The following ANK3 variants were observed in gnomAD, a reference collection of about 807,000 sequenced individuals.
The protein encoded by ANK3 is ankyrin-3.
ANK3 carries 57 observed loss-of-function variants against 370.9 expected under a neutral mutation model. The observed-to-expected ratio is 0.15, with a 90% confidence interval of 0.12 to 0.19. ANK3 has a LOEUF of 0.19. Among genes scored for constraint, ANK3 ranks in the 10% least tolerant of loss-of-function variants. ANK3 has a pLI of 1.00. For missense variants in ANK3, 4,439 were observed against 5,302.1 expected (o/e 0.84, Z 5.06); for synonymous variants, 1,929 against 1,946.3 (o/e 0.99, Z 0.23).
At position 60,071,378 on chromosome 10, in the gene ANK3, G is replaced by C; in HGVS notation, c.9503C>G (p.Thr3168Ser). Residue 3168 changes from threonine to serine, a missense_variant, in exon 37 of 44, where the codon ACC becomes AGC. Around this residue, in one of 13 missense-constraint regions of ANK3, gnomAD observed 1,601 missense variants for 1,731.7 expected, o/e 0.92. Coordinates refer to ENST00000280772, the MANE Select transcript of ANK3 (RefSeq NM_020987.5). ...FLDSSGKSPL[T>S]PETPSSEEVS... is the part of the protein sequence containing the mutation. ...TTCCTCTGAACTGGGTGTTTCTGGG[G>C]TTAAAGGGCTTTTCCCAGAGCTGTC... 3 of 1,614,070 alleles carry C rather than the reference G, an allele frequency of 1.9e-6. No homozygotes were observed. Among genetic ancestry groups the C allele is most frequent in the Non-Finnish European group, 2.5e-6 (3 of 1,179,990 alleles).
chr10:60,528,840 G>A (rs549926235), intron 2 of ANK3, among the ~76,000 whole-genome samples: 1 of 152,042 alleles, frequency 6.6e-6, no homozygotes, highest in Non-Finnish European at 1.5e-5. Context: ...ATCATCTCCT[G>A]TTAATAATCA....
intron 2 of ANK3, among the ~76,000 whole-genome samples, chr10:60,512,705 T>C (rs1052981058): frequency 1.3e-5 from 2 of 152,154 alleles, no homozygotes; most frequent in Non-Finnish European, 2.9e-5. Context: ...TAAGATTTTT[T>C]AGAATATTAC....
intron 2 of ANK3, among the ~76,000 whole-genome samples, chr10:60,460,754 C>T (rs2064863527): frequency 6.6e-6 from 1 of 152,120 alleles, no homozygotes; most frequent in African/African-American, 2.4e-5. Flanking sequence ...ATATTTTCCA[C>T]ATAAAGACAC....
At chr10:60,570,905 G>A (rs542974549) in intron 2 of ANK3, among the ~76,000 whole-genome samples, 47 of 152,214 alleles carry the variant, frequency 3.1e-4, no homozygotes, top group Middle Eastern at 3.4e-3. Flanking sequence ...GATTTACAAC[G>A]AATCCAGCCA....
chr10:60,407,133 A>G (rs1036752069), intron 2 of ANK3, among the ~76,000 whole-genome samples: 1 of 152,186 alleles, frequency 6.6e-6, no homozygotes, highest in Admixed American at 6.5e-5. Flanking sequence ...TCTTTCTCAC[A>G]CTAAACTAGA....
chr10:60,178,336 G>C (rs550955517), intron 18 of ANK3, among the ~76,000 whole-genome samples: 2 of 152,128 alleles, frequency 1.3e-5, no homozygotes, highest in South Asian at 4.2e-4. Flanking sequence ...TTAAAATCAG[G>C]CTTTGTAATA....
At chr10:60,136,299 G>A (rs2094339854) in intron 24 of ANK3, among the ~76,000 whole-genome samples, 1 of 152,120 alleles carries the variant, frequency 6.6e-6, no homozygotes, top group Non-Finnish European at 1.5e-5. Context: ...TGGCTGGTGT[G>A]AACGAACAAA....
At chr10:60,496,956 C>A (rs1366867273) in intron 2 of ANK3, among the ~76,000 whole-genome samples, 1 of 152,026 alleles carries the variant, frequency 6.6e-6, no homozygotes, top group Non-Finnish European at 1.5e-5. Flanking sequence ...GGACTTGTTG[C>A]AGAAAGCATT....
intron 2 of ANK3, among the ~76,000 whole-genome samples, chr10:60,421,253 G>A (rs550494783): frequency 1.3e-5 from 2 of 152,152 alleles, no homozygotes; most frequent in East Asian, 3.9e-4. Context: ...ATAGATAGTA[G>A]GGATAGCTGT....
At position 60,715,718 on chromosome 10, in the gene ANK3, T is replaced by G. The variant is rs1240779262; in HGVS notation, c.57+17545A>C. ...GTTGATAAAATGTATTCTTAAATGG[T>G]AGGTTTTGCATATTTGCAACTCTAT... On this transcript the variant is annotated intron_variant, in intron 1 of 43. Transcript: ENST00000373827. Among the ~76,000 whole-genome samples the G allele has an allele frequency of 2.0e-5, 3 of 152,222 alleles. 1 individual carries two copies. Among genetic ancestry groups the G allele is most frequent in the Non-Finnish European group, 4.4e-5 (3 of 68,040 alleles).
intron 1 of ANK3, among the ~76,000 whole-genome samples, chr10:60,660,769 G>A (rs1281081448): frequency 6.6e-6 from 1 of 152,132 alleles, no homozygotes. Context: ...CAGAGAAGTA[G>A]GGATAGGATG....
chr10:60,521,811 T>C (rs558239347), intron 2 of ANK3, among the ~76,000 whole-genome samples: 2 of 152,254 alleles, frequency 1.3e-5, no homozygotes, highest in African/African-American at 2.4e-5. Context: ...AAAAAAGCAA[T>C]GACAAAATCT....
At chr10:60,597,108 A>C (rs910345532) in intron 2 of ANK3, among the ~76,000 whole-genome samples, 2 of 152,138 alleles carry the variant, frequency 1.3e-5, no homozygotes, top group African/African-American at 4.8e-5. Flanking sequence ...GAGCCCCCAA[A>C]TGTAAAAAAA....
At chr10:60,591,392 T>A (rs537385591) in intron 2 of ANK3, among the ~76,000 whole-genome samples, 8 of 151,646 alleles carry the variant, frequency 5.3e-5, no homozygotes, top group Admixed American at 4.6e-4. Flanking sequence ...AGTGCAGTGG[T>A]GCAGTGGAGC....
chr10:60,332,391 T>C (rs1177455582), intron 1 of ANK3, among the ~76,000 whole-genome samples: 1 of 152,218 alleles, frequency 6.6e-6, no homozygotes, highest in African/African-American at 2.4e-5. Flanking sequence ...CATATTCTAA[T>C]GCAAAGTATG....
intron 2 of ANK3, among the ~76,000 whole-genome samples, chr10:60,400,133 G>C (rs183562088): frequency 4.1e-4 from 62 of 151,612 alleles, no homozygotes; most frequent in Non-Finnish European, 5.4e-4. Context: ...TTGCTAAATA[G>C]AAATACCATT....
intron 1 of ANK3, among the ~76,000 whole-genome samples, chr10:60,378,114 T>G (rs574498465): frequency 2.0e-5 from 3 of 152,194 alleles, no homozygotes; most frequent in Admixed American, 2.0e-4. Flanking sequence ...TCCCCATCAC[T>G]TCGTAAGGCC....
intron 1 of ANK3, among the ~76,000 whole-genome samples, chr10:60,312,645 G>T (rs939772094): frequency 6.6e-6 from 1 of 152,154 alleles, no homozygotes; most frequent in African/African-American, 2.4e-5. Flanking sequence ...AAAACAGCTT[G>T]TTCAAAGTCA....
In ANK3 at chr10:60,374,642, A is replaced by AAAAAC. The variant is rs955886313; in HGVS notation, c.114+14778_114+14782dup. ...AATGGAGGACCTGGAATATCATGTT[A>AAAAAC]AAAACAAAACAAAACAAAACAAAAA... On this transcript the variant is annotated intron_variant, in intron 1 of 43. Transcript: ENST00000280772. Among the ~76,000 whole-genome samples the AAAAAC allele has an allele frequency of 1.3e-4, 20 of 152,310 alleles. No homozygotes were observed. In the East Asian group the frequency reaches 1.4e-3, roughly 10 times the overall value.
Sources: allele counts gnomAD v4.1 joint callset (sites outside exome capture counted in the v4.1 genomes callset), GRCh38; gene constraint gnomAD v4.1.1; regional missense constraint gnomAD v4.1.1; transcripts MANE v1.5; gene names NCBI Gene and HGNC (gene_info 2026-07-23, HGNC 2026-07-21).